Variants in ACSF2 observed in about 807,000 individuals in gnomAD.
ACSF2 encodes acyl-CoA synthetase family member 2, also known as medium-chain acyl-CoA ligase ACSF2, mitochondrial.
A neutral mutation model predicts 79.3 loss-of-function variants in ACSF2; 52 were observed. That is an observed-to-expected ratio of 0.66 (90% CI 0.53 to 0.83). ACSF2 has a LOEUF of 0.83. Among genes scored for constraint, ACSF2 ranks in the 40% least tolerant of loss-of-function variants. ACSF2 has a pLI of 0.00. For synonymous variants in ACSF2, 283 were observed against 312.6 expected, an observed-to-expected ratio of 0.91 and a Z score of 1.00; for missense variants, 661 against 803.3, an observed-to-expected ratio of 0.82 and a Z score of 2.14.
At chr17:50,473,859 C>T (rs556249590) in intron 13 of ACSF2, 35 bp from the exon 14 acceptor site, 296 of 1,608,928 alleles carry the variant, frequency 1.8e-4, no homozygotes, top group Non-Finnish European at 2.4e-4. Context: ...CACATGAACA[C>T]GGTGATGTCT....
chr17:50,450,984 G>T (rs1432306744), intron 1 of ACSF2, among the ~76,000 whole-genome samples: 1 of 152,164 alleles, frequency 6.6e-6, no homozygotes, highest in East Asian at 1.9e-4. Context: ...CAGGCCTGTT[G>T]TGTAGTGGTG....
At chr17:50,473,376 T>C (rs1222605855) in intron 12 of ACSF2, 8 of 394,136 alleles carry the variant, frequency 2.0e-5, no homozygotes, top group Non-Finnish European at 3.3e-5. Flanking sequence ...ACAGAGAAGA[T>C]GTCTGGAGAC....
intron 3 of ACSF2, 40 bp from the exon 4 acceptor site, chr17:50,461,593 T>G (rs751664346): frequency 2.7e-5 from 44 of 1,613,546 alleles, no homozygotes; most frequent in Middle Eastern, 1.7e-4. Flanking sequence ...AGGGACAGGG[T>G]CTGCCCAGAA....
At chr17:50,433,084 C>G (rs1416779364) in intron 1 of ACSF2, among the ~76,000 whole-genome samples, 1 of 151,666 alleles carries the variant, frequency 6.6e-6, no homozygotes, top group East Asian at 1.9e-4. Flanking sequence ...CACACGCACA[C>G]ACACACTTAA....
At chr17:50,442,575 C>G (rs1388491893) in intron 1 of ACSF2, among the ~76,000 whole-genome samples, 1 of 152,050 alleles carries the variant, frequency 6.6e-6, no homozygotes, top group Non-Finnish European at 1.5e-5. Context: ...AATCAAACAT[C>G]CTGCCTTAGC....
Position 50,463,296 on chromosome 17 carries a change from T to C in ACSF2, c.888+45T>C, listed in dbSNP as rs1397716070. On this transcript the variant is annotated intron_variant, in intron 7 of 15. Transcript: ENST00000300441. The surrounding 1 kb of genome is among the most constrained non-coding windows in gnomAD (Gnocchi z 4.6). ...AGGGCAAGGCTGCAGGAGGGGTGGC[T>C]CAGGCAGGGGTGGGGGGCTGGCTGG... is the stretch of plus-strand genomic sequence containing the variant. 1.9e-6 allele frequency: 3 copies of C among 1,612,130 alleles called. No individual in the cohort carries two copies. Among genetic ancestry groups the C allele is most frequent in the Admixed American group, 3.3e-5 (2 of 59,930 alleles).
At chr17:50,460,897 A>G in intron 2 of ACSF2, 25 bp downstream of exon 2, 2 of 1,592,564 alleles carry the variant, frequency 1.3e-6, no homozygotes, top group Admixed American at 1.7e-5. Context: ...GGAAACCTCA[A>G]AGTGGGCAAG....
chr17:50,460,968 G>C, intron 2 of ACSF2, 96 bp downstream of exon 2: 1 of 1,403,566 alleles, frequency 7.1e-7, no homozygotes, highest in Non-Finnish European at 9.7e-7. Flanking sequence ...TGGCTATGGG[G>C]CAATGTGCTA....
intron 6 of ACSF2, 98 bp downstream of exon 6, chr17:50,462,683 G>GCCTTCTTTAC (rs2032424289): frequency 1.4e-6 from 2 of 1,409,754 alleles, no homozygotes; most frequent in Non-Finnish European, 1.9e-6. Flanking sequence ...AGGAGAGCAT[G>GCCTTCTTTAC]CCTTCTTTAC....
chr17:50,463,093 C>T lies in ACSF2; in HGVS notation c.793-63C>T. ...ATTCCCGGTCCCGTGCTCTTCAAGGCAGTGGCCCAGGGTGGGAAGGAGATG... is the reference window on the plus strand; with the variant it reads ...ATTCCCGGTCCCGTGCTCTTCAAGGTAGTGGCCCAGGGTGGGAAGGAGATG... On this transcript the variant is annotated intron_variant, in intron 6 of 15. Coordinates refer to ENST00000300441, the MANE Select transcript of ACSF2 (RefSeq NM_025149.6). The surrounding 1 kb of genome is among the most constrained non-coding windows in gnomAD (Gnocchi z 4.6). 7.3e-7 allele frequency: 1 copy of T among 1,377,248 alleles called. No homozygotes were observed. The highest frequency in any genetic ancestry group is 1.0e-6 in the Non-Finnish European group (1 of 972,478). The allele number at this position is 1,377,248 out of a possible 1,614,324, so 85.3% of individuals were successfully genotyped here. A position where few individuals can be genotyped will look rare whatever the true frequency, so the allele number is the denominator to read the frequency against.
chr17:50,440,675 C>T (rs62062127), intron 1 of ACSF2, among the ~76,000 whole-genome samples: 1,881 of 152,368 alleles, frequency 0.012, 15 homozygotes, highest in Non-Finnish European at 0.019. Flanking sequence ...ACAGCTATTT[C>T]ACCTGCATTG....
chr17:50,456,066 C>CGTG (rs2031974210), intron 1 of ACSF2, among the ~76,000 whole-genome samples: 1 of 152,200 alleles, frequency 6.6e-6, no homozygotes, highest in Non-Finnish European at 1.5e-5. Context: ...AGAAGATATA[C>CGTG]GTGGTCTTCC....
chr17:50,449,219 G>A (rs2031501377), intron 1 of ACSF2, among the ~76,000 whole-genome samples: 2 of 151,612 alleles, frequency 1.3e-5, no homozygotes. Flanking sequence ...GTTTCATCAT[G>A]TTGCCCAGGG....
At chr17:50,434,051 A>T (rs1046698499) in intron 1 of ACSF2, among the ~76,000 whole-genome samples, 2 of 151,874 alleles carry the variant, frequency 1.3e-5, no homozygotes, top group Admixed American at 6.6e-5. Context: ...ACAGTGGCTC[A>T]CACCTATAAC....
chr17:50,462,613 C>T (rs1222338494), intron 6 of ACSF2, 28 bp downstream of exon 6: 2 of 1,604,092 alleles, frequency 1.2e-6, no homozygotes, highest in Non-Finnish European at 1.7e-6. Context: ...AGGCCCCAAG[C>T]CCAGATGGAC....
intron 1 of ACSF2, chr17:50,427,054 A>C: frequency 1.4e-6 from 2 of 1,452,412 alleles, no homozygotes; most frequent in Non-Finnish European, 1.9e-6. Context: ...AAAGTGCTTG[A>C]GACACAGAGA....
intron 1 of ACSF2, among the ~76,000 whole-genome samples, chr17:50,430,851 G>A (rs1364554743): frequency 1.3e-5 from 2 of 152,194 alleles, no homozygotes; most frequent in Non-Finnish European, 2.9e-5. Context: ...TCCCTGGGAA[G>A]GAAGGAGCAT....
At position 50,463,821 on chromosome 17, in the gene ACSF2, C is replaced by T. The variant is rs200992227; in HGVS notation, c.1050C>T (p.Gly350=). The T allele has an allele frequency of 7.4e-6, 12 of 1,613,960 alleles. No individual in the cohort carries two copies. In the East Asian group the frequency reaches 2.7e-4, roughly 36 times the overall value. Residue 350 remains glycine (G), a synonymous_variant, in exon 9 of 16, where the codon GGC becomes GGT. Coordinates refer to ENST00000300441, the MANE Select transcript of ACSF2 (RefSeq NM_025149.6). This position sits in a 1 kb window ranked among gnomAD's most constrained non-coding sequence, Gnocchi z 4.6. ...KALEAISRER[G]TFLYGTPTMF... is the part of the protein sequence containing the mutation. ...TTCGAGACCTCCTCCTATACAGAGG[C>T]ACCTTCCTGTATGGTACCCCCACGA...
At chr17:50,461,165 T>G in intron 2 of ACSF2, 77 bp from the exon 3 acceptor site, 1 of 1,600,594 alleles carries the variant, frequency 6.2e-7, no homozygotes, top group Middle Eastern at 1.7e-4. Flanking sequence ...AACTCCGGGC[T>G]AAGGGCTGAG....
Sources: gnomAD v4.1 joint callset for allele counts (sites outside exome capture counted in the v4.1 genomes callset) on GRCh38, gnomAD v4.1.1 for gene constraint, Gnocchi (gnomAD v3.1) non-coding constraint, MANE v1.5 for transcripts, NCBI Gene and HGNC (gene_info 2026-07-23, HGNC 2026-07-21) for gene names.